Variants in GPNMB observed in about 807,000 individuals in gnomAD.
The protein encoded by GPNMB is glycoprotein nmb, also known as transmembrane glycoprotein NMB.
Under a neutral mutation model 57.3 loss-of-function variants are expected in GPNMB, and 71 were observed. The ratio of observed to expected loss-of-function variants is 1.24; its 90% confidence interval spans 1.02 to 1.51. The LOEUF is 1.51. GPNMB is among the 40% of genes most tolerant of loss of function. The pLI is 0.00. For missense variants in GPNMB, 677 were observed against 691.9 expected (o/e 0.98, Z 0.24); for synonymous variants, 253 against 263.2 (o/e 0.96, Z 0.38).
At position 23,246,792 on chromosome 7, in the gene GPNMB, C is replaced by A; in HGVS notation, c.-66C>A. On this transcript the variant is annotated 5_prime_UTR_variant, in exon 1 of 11. Transcript: ENST00000258733. ...CAGATGCCAGAAGAACACTGTTGCT[C>A]TTGGTGGACGGGCCCAGAGGAATTC... The A allele has an allele frequency of 8.6e-7, 1 of 1,168,948 alleles. No homozygotes were observed. The highest frequency in any genetic ancestry group is 1.3e-6 in the Non-Finnish European group (1 of 774,522). The allele number at this position is 1,168,948 out of a possible 1,614,324, so 72.4% of individuals were successfully genotyped here.
Position 23,254,236 on chromosome 7 carries a change from G to A in GPNMB, c.291G>A (p.Ala97=), listed in dbSNP as rs751571747. The A allele has an allele frequency of 5.8e-5, 94 of 1,613,660 alleles. 1 individual carries two copies. Among genetic ancestry groups the A allele is most frequent in the South Asian group, 2.9e-4 (26 of 91,074 alleles). ...TCGTGGGCTCAAATATAACATTTGC[G>A]GTGAACCTGATATTCCCTAGATGCC... is the stretch of plus-strand genomic sequence containing the variant. The part of the protein sequence containing the change: ...PALVGSNITF[A]VNLIFPRCQK... Residue 97 remains alanine (A), a synonymous_variant, in exon 3 of 11, where the codon GCG becomes GCA. Coordinates refer to ENST00000258733, the MANE Select transcript of GPNMB (RefSeq NM_002510.3).
At chr7:23,248,063 C>T (rs749662855) in intron 1 of GPNMB, 1 of 152,266 alleles carries the variant, frequency 6.6e-6, no homozygotes, top group East Asian at 1.9e-4. Context: ...TGGACAGGCT[C>T]GGGCTCCCCG....
At chr7:23,259,836 C>G in intron 4 of GPNMB, 144 bp from the exon 5 acceptor site, 1 of 650,252 alleles carries the variant, frequency 1.5e-6, no homozygotes, top group Admixed American at 2.7e-5. Context: ...AGCACCATCT[C>G]CCTTTCTGAA....
chr7:23,260,870 T>A, intron 6 of GPNMB, 97 bp downstream of exon 6: 1 of 979,410 alleles, frequency 1.0e-6, no homozygotes. Context: ...GGGGATATTG[T>A]AAGGACTCTG....
In GPNMB at chr7:23,254,258, T is replaced by G; in HGVS notation, c.313T>G (p.Cys105Gly). ...TFAVNLIFPR[C>G]QKEDANGNIV... ...TGCGGTGAACCTGATATTCCCTAGATGCCAAAAGGAAGATGCCAATGGCAA... is the reference window on the plus strand; with the variant it reads ...TGCGGTGAACCTGATATTCCCTAGAGGCCAAAAGGAAGATGCCAATGGCAA... The change falls in exon 3 of 11, where the codon TGC becomes GGC. Residue 105 changes from cysteine (C) to glycine (G), a missense_variant. Transcript: ENST00000258733. The G allele has an allele frequency of 6.2e-7, 1 of 1,611,314 alleles. No individual in the cohort carries two copies. The highest frequency in any genetic ancestry group is 1.1e-5 in the South Asian group (1 of 91,012).
chr7:23,259,575 CA>C lies in GPNMB; in HGVS notation c.542-400del, dbSNP rs1782863467. Among the ~76,000 whole-genome samples, 8 of 152,202 alleles carry C rather than the reference CA, an allele frequency of 5.3e-5. No homozygotes were observed. In the South Asian group the frequency reaches 1.7e-3, roughly 32 times the overall value. ...CTTAATAATATAGCGGAAATAGTAACAAAAATAAGGTAGGTTATTGGATAAA... is the reference window on the plus strand; with the variant it reads ...CTTAATAATATAGCGGAAATAGTAACAAAATAAGGTAGGTTATTGGATAAA... On this transcript the variant is annotated intron_variant, in intron 4 of 10. Coordinates refer to ENST00000258733, the MANE Select transcript of GPNMB (RefSeq NM_002510.3).
intron 5 of GPNMB, 152 bp from the exon 6 acceptor site, chr7:23,260,304 T>G: frequency 1.0e-6 from 1 of 978,540 alleles, no homozygotes; most frequent in African/African-American, 1.6e-5. Context: ...CAGAATAGCT[T>G]AGGGAAACCC....
chr7:23,247,408 G>A (rs1284993595), intron 1 of GPNMB: 1 of 168,216 alleles, frequency 5.9e-6, no homozygotes, highest in African/African-American at 2.4e-5. Context: ...GCAGGAGCTT[G>A]CTGGGAGAGG....
intron 2 of GPNMB, 24 bp downstream of exon 2, chr7:23,253,483 A>T: frequency 6.3e-7 from 1 of 1,599,462 alleles, no homozygotes; most frequent in South Asian, 1.1e-5. Context: ...TTCAAACCAA[A>T]CACCTGCAAT....
At chr7:23,252,605 A>G (rs1223728410) in intron 1 of GPNMB, among the ~76,000 whole-genome samples, 1 of 152,246 alleles carries the variant, frequency 6.6e-6, no homozygotes, top group Admixed American at 6.5e-5. Context: ...AAAGCTTCAA[A>G]ATACATACAG....
At chr7:23,267,013 G>C (rs1369548764) in intron 7 of GPNMB, among the ~76,000 whole-genome samples, 1 of 152,080 alleles carries the variant, frequency 6.6e-6, no homozygotes, top group Non-Finnish European at 1.5e-5. Context: ...GGAAAGAGCA[G>C]GCCACCACAC....
At position 23,274,473 on chromosome 7, in the gene GPNMB, C is replaced by T; in HGVS notation, c.*249C>T. On this transcript the variant is annotated 3_prime_UTR_variant, in exon 11 of 11. Transcript: ENST00000258733. ...CTTCTTTTCATTATTTTTTATGTTT[C>T]ACTTATAAAGTCTTAGGTAACTAGT... The T allele has an allele frequency of 2.8e-6, 1 of 363,616 alleles. No individual in the cohort carries two copies. Among genetic ancestry groups the T allele is most frequent in the Non-Finnish European group, 5.0e-6 (1 of 201,252 alleles). The allele number at this position is 363,616 out of a possible 1,614,324, so 22.5% of individuals were successfully genotyped here. A position where few individuals can be genotyped will look rare whatever the true frequency, so the allele number is the denominator to read the frequency against.
At chr7:23,255,358 A>T (rs1359829917) in intron 3 of GPNMB, among the ~76,000 whole-genome samples, 1 of 152,124 alleles carries the variant, frequency 6.6e-6, no homozygotes, top group Non-Finnish European at 1.5e-5. Context: ...ACTTAACATC[A>T]TGGCCTCCAG....
chr7:23,259,330 C>T (rs1309204282), intron 4 of GPNMB, among the ~76,000 whole-genome samples: 1 of 152,100 alleles, frequency 6.6e-6, no homozygotes, highest in Non-Finnish European at 1.5e-5. Flanking sequence ...ATTACAGGCT[C>T]GTACCACCAC....
Position 23,267,955 on chromosome 7 carries a change from C to T in GPNMB, c.1187C>T (p.Ser396Phe), listed in dbSNP as rs376026669. The T allele has an allele frequency of 9.3e-6, 15 of 1,613,346 alleles. No homozygotes were observed. Among genetic ancestry groups the T allele is most frequent in the Non-Finnish European group, 1.2e-5 (14 of 1,179,422 alleles). Reference protein sequence around the residue: ...VLMPVPWPESSLIDFVVTCQG... With the variant: ...VLMPVPWPESFLIDFVVTCQG... ...ATGCCGGTGCCATGGCCTGAAAGCT[C>T]CCTAATAGACTTTGTCGTGACCTGC... Residue 396 changes from serine (S) to phenylalanine (F), a missense_variant, in exon 8 of 11, where the codon TCC (serine) becomes TTC (phenylalanine). Ser to Phe is a radical substitution (Grantham distance 155, BLOSUM62 -2). Transcript: ENST00000258733.
At position 23,256,775 on chromosome 7, in the gene GPNMB, A is replaced by T. The variant is rs952368091; in HGVS notation, c.368-117A>T. 16 of 737,354 alleles carry T rather than the reference A, an allele frequency of 2.2e-5. No individual in the cohort carries two copies. The Admixed American group carries it at 4.2e-4, about 19-fold the overall frequency. The allele number at this position is 737,354 out of a possible 1,614,324, so 45.7% of individuals were successfully genotyped here. On this transcript the variant is annotated intron_variant, in intron 3 of 10. Transcript: ENST00000258733. ...CTACATATTAAGTGTTTAGTTGTCT[A>T]ACTACTTTTAAACTAGTTATGAAAA...
In GPNMB at chr7:23,270,122, G is replaced by C. The variant is rs1343949569; in HGVS notation, c.1376G>C (p.Gly459Ala). 2 of 1,614,146 alleles carry C rather than the reference G, an allele frequency of 1.2e-6. No homozygotes were observed. The highest frequency in any genetic ancestry group is 3.3e-5 in the Admixed American group (2 of 60,030). ...ACGTACTGTGTGAACCTCACCCTGG[G>C]GGATGACACAAGCCTGGCTCTCACG... ...SGTYCVNLTL[G>A]DDTSLALTST... Residue 459 changes from glycine (G) to alanine (A), a missense_variant, in exon 9 of 11, where the codon GGG (glycine) becomes GCG (alanine). By Grantham distance (60) the Gly-to-Ala change is moderately conservative. Coordinates refer to ENST00000258733, the MANE Select transcript of GPNMB (RefSeq NM_002510.3).
At chr7:23,262,608 CTTTTTTTTTTT>C (rs58011121) in intron 6 of GPNMB, among the ~76,000 whole-genome samples, 2 of 62,800 alleles carry the variant, frequency 3.2e-5, no homozygotes, top group East Asian at 1.2e-3. Flanking sequence ...TCACCATTCT[CTTTTTTTTTTT>C]TTTTTTTTTT....
chr7:23,268,924 A>G (rs985471708), intron 8 of GPNMB, among the ~76,000 whole-genome samples: 1 of 152,214 alleles, frequency 6.6e-6, no homozygotes, highest in Non-Finnish European at 1.5e-5. Flanking sequence ...GCCATGAGAT[A>G]GCGGTCAGGA....
Sources: allele counts gnomAD v4.1 joint callset (sites outside exome capture counted in the v4.1 genomes callset), GRCh38; gene constraint gnomAD v4.1.1; transcripts MANE v1.5; gene names NCBI Gene and HGNC (gene_info 2026-07-23, HGNC 2026-07-21).